NIBAN2: variants seen among roughly 807,000 people sequenced by gnomAD.
NIBAN2 encodes niban apoptosis regulator 2, also known as protein Niban 2.
NIBAN2 carries 36 observed loss-of-function variants against 81.8 expected under a neutral mutation model. The observed-to-expected ratio is 0.44, with a 90% CI of 0.34 to 0.58. The LOEUF is 0.58. NIBAN2 is among the 20% of genes least tolerant of loss of function. The probability of loss-of-function intolerance (pLI) is 0.02; values close to 1 mark genes in which losing one functional copy is unlikely to be tolerated. For missense variants in NIBAN2, 897 were observed against 1,014.1 expected (o/e 0.88, Z 1.57); for synonymous variants, 445 against 441.6 (o/e 1.01, Z -0.10).
intron 8 of NIBAN2, among the ~76,000 whole-genome samples, chr9:127,516,105 A>G (rs1836824889): frequency 6.6e-6 from 1 of 151,798 alleles, no homozygotes; most frequent in Non-Finnish European, 1.5e-5. Flanking sequence ...CCTGGGCGAC[A>G]GAGTGAAACC....
intron 1 of NIBAN2, among the ~76,000 whole-genome samples, chr9:127,543,206 C>G (rs1416786139): frequency 1.3e-5 from 2 of 152,180 alleles, no homozygotes; most frequent in Admixed American, 1.3e-4. Flanking sequence ...GTCTCCACAC[C>G]AGGAACAAAA....
At chr9:127,577,261 T>C (rs1047658902) in intron 1 of NIBAN2, among the ~76,000 whole-genome samples, 1 of 152,022 alleles carries the variant, frequency 6.6e-6, no homozygotes, top group African/African-American at 2.4e-5. Flanking sequence ...TGAGCCGAGA[T>C]TGCGCCACTG....
upstream of NIBAN2, among the ~76,000 whole-genome samples, chr9:127,570,418 C>T (rs962854347): frequency 2.0e-5 from 3 of 152,198 alleles, no homozygotes; most frequent in African/African-American, 7.2e-5. Context: ...GCCCTCCCCT[C>T]TGTGACCCTG....
At chr9:127,519,876 T>C (rs1836902798) in intron 5 of NIBAN2, among the ~76,000 whole-genome samples, 1 of 152,194 alleles carries the variant, frequency 6.6e-6, no homozygotes, top group African/African-American at 2.4e-5. Context: ...AAACCAAGTT[T>C]TGACTGGAAA....
At chr9:127,523,433 G>A (rs547623908) in intron 5 of NIBAN2, among the ~76,000 whole-genome samples, 1 of 151,042 alleles carries the variant, frequency 6.6e-6, no homozygotes, top group East Asian at 2.0e-4. Flanking sequence ...CAGGGTCCAA[G>A]GGCTCAACAA....
At chr9:127,558,018 C>T (rs1325472253) in intron 1 of NIBAN2, among the ~76,000 whole-genome samples, 4 of 151,442 alleles carry the variant, frequency 2.6e-5, no homozygotes, top group Non-Finnish European at 5.9e-5. Context: ...AGGGGGTCAG[C>T]CCCTACCTCC....
chr9:127,561,217 A>G lies in NIBAN2; in HGVS notation c.55+7603T>C, dbSNP rs1036173083. The G allele has an allele frequency of 9.1e-6, 9 of 985,336 alleles. No individual in the cohort carries two copies. The African/African-American group carries it at 1.2e-4, about 13-fold the overall frequency. The allele number at this position is 985,336 out of a possible 1,614,324, so 61.0% of individuals were successfully genotyped here. On this transcript the variant is annotated intron_variant, in intron 1 of 13. Coordinates refer to ENST00000373312, the MANE Select transcript of NIBAN2 (RefSeq NM_022833.4). ...CTGAATACCCCAGGGGTCCAGGGCCATAGGCTGGTGCTCCTCTGACCTTGG... is the reference window on the plus strand; with the variant it reads ...CTGAATACCCCAGGGGTCCAGGGCCGTAGGCTGGTGCTCCTCTGACCTTGG...
chr9:127,506,579 G>A lies in NIBAN2; in HGVS notation c.*266C>T, dbSNP rs1836599172. 1 of 375,902 alleles carries A rather than the reference G, an allele frequency of 2.7e-6. No individual in the cohort carries two copies. 23.3% of individuals were successfully genotyped at this position (375,902 alleles called of 1,614,324 possible). ...GGAGGGGCTTTCCAGCCCCCCAGCAGTGTCCAGCCCTTGGCACAAGCAGGA... is the reference window on the plus strand; with the variant it reads ...GGAGGGGCTTTCCAGCCCCCCAGCAATGTCCAGCCCTTGGCACAAGCAGGA... On this transcript the variant is annotated 3_prime_UTR_variant, in exon 14 of 14. Transcript: ENST00000373312.
chr9:127,511,262 G>A (rs1406674790), intron 8 of NIBAN2, among the ~76,000 whole-genome samples: 1 of 152,002 alleles, frequency 6.6e-6, no homozygotes, highest in Non-Finnish European at 1.5e-5. Flanking sequence ...TGGCCAGGCT[G>A]GTCTCAAACT....
At chr9:127,564,947 A>G (rs1398555954) in intron 1 of NIBAN2, among the ~76,000 whole-genome samples, 4 of 152,156 alleles carry the variant, frequency 2.6e-5, no homozygotes, top group Non-Finnish European at 5.9e-5. Context: ...ATGGTGACAC[A>G]CCACACTTAA....
intron 1 of NIBAN2, 116 bp from the exon 2 acceptor site, chr9:127,531,894 G>C: frequency 7.2e-7 from 1 of 1,398,318 alleles, no homozygotes; most frequent in Non-Finnish European, 9.8e-7. Context: ...GGAATTGTTT[G>C]CACAGGCTCC....
rs116224491 is a variant in NIBAN2 at position 127,545,578 on chromosome 9, T to A, written c.56-13800A>T. ...AGGTCAGGCCCAACAGAGCCAGGAG[T>A]CAGCTGGGGTTTTTCACAAGGCTGC... On this transcript the variant is annotated intron_variant, in intron 1 of 13. Coordinates refer to ENST00000373312, the MANE Select transcript of NIBAN2 (RefSeq NM_022833.4). The surrounding 1 kb of genome is among the most constrained non-coding windows in gnomAD (Gnocchi z 4.7). Among the ~76,000 whole-genome samples, 828 of 150,632 alleles carry A rather than the reference T, an allele frequency of 5.5e-3. 5 individuals carry two copies. Among genetic ancestry groups the A allele is most frequent in the African/African-American group, 0.019 (772 of 40,924 alleles).
chr9:127,569,576 G>A (rs1230246431), upstream of NIBAN2, among the ~76,000 whole-genome samples: 5 of 151,772 alleles, frequency 3.3e-5, no homozygotes, highest in East Asian at 9.8e-4. Flanking sequence ...GGACCTACGG[G>A]CCGGAATTCG....
chr9:127,518,025 C>T lies in NIBAN2; in HGVS notation c.590-84G>A, dbSNP rs542294187. 5.2e-6 allele frequency: 4 copies of T among 775,610 alleles called. No individual in the cohort carries two copies. The Admixed American group carries it at 1.2e-4, about 22-fold the overall frequency. 48.0% of individuals were successfully genotyped at this position (775,610 alleles called of 1,614,324 possible). On this transcript the variant is annotated intron_variant, in intron 5 of 13. Coordinates refer to ENST00000373312, the MANE Select transcript of NIBAN2 (RefSeq NM_022833.4). Reference sequence around the variant, plus strand: ...GACCAACTGAGAACTGACCAAAACCCCCCCCACACACATGGCATGCACCTC... The same window carrying T: ...GACCAACTGAGAACTGACCAAAACCTCCCCCACACACATGGCATGCACCTC...
intron 1 of NIBAN2, among the ~76,000 whole-genome samples, chr9:127,577,406 G>A (rs939900953): frequency 6.6e-6 from 1 of 151,468 alleles, no homozygotes; most frequent in Admixed American, 6.6e-5. Flanking sequence ...CCATCCTCCA[G>A]ATCCAATACC....
chr9:127,532,025 A>G (rs1296055547), intron 1 of NIBAN2, among the ~76,000 whole-genome samples: 1 of 152,216 alleles, frequency 6.6e-6, no homozygotes, highest in East Asian at 1.9e-4. Context: ...AGAGAATCAA[A>G]CAAATGCAAA....
At chr9:127,528,031 A>G (rs1165124147) in intron 2 of NIBAN2, among the ~76,000 whole-genome samples, 1 of 152,204 alleles carries the variant, frequency 6.6e-6, no homozygotes, top group Non-Finnish European at 1.5e-5. Context: ...CCTGACTCAC[A>G]GTGTGTCTAG....
intron 1 of NIBAN2, among the ~76,000 whole-genome samples, chr9:127,568,550 G>C (rs972580145): frequency 3.9e-5 from 6 of 152,088 alleles, no homozygotes; most frequent in Non-Finnish European, 7.4e-5. Context: ...CTGGGGGTCC[G>C]CCAAGCCCGG....
chr9:127,508,053 C>A lies in NIBAN2; in HGVS notation c.1542+40G>T, dbSNP rs374249421. ...GAGGCCTGTGGGCTCCATCCCCCAA[C>A]TTAGGGCCCAAACGGCTGGAGCAGG... On this transcript the variant is annotated intron_variant, in intron 12 of 13. Coordinates refer to ENST00000373312, the MANE Select transcript of NIBAN2 (RefSeq NM_022833.4). The surrounding 1 kb of genome is among the most constrained non-coding windows in gnomAD (Gnocchi z 6.4). 10 of 1,611,596 alleles carry A rather than the reference C, an allele frequency of 6.2e-6. No individual in the cohort carries two copies. Among genetic ancestry groups the A allele is most frequent in the Non-Finnish European group, 8.5e-6 (10 of 1,177,944 alleles).
Sources: allele counts gnomAD v4.1 joint callset (sites outside exome capture counted in the v4.1 genomes callset), GRCh38; gene constraint gnomAD v4.1.1; non-coding constraint Gnocchi (gnomAD v3.1); transcripts MANE v1.5; gene names NCBI Gene and HGNC (gene_info 2026-07-23, HGNC 2026-07-21).